Variants in LRBA observed in about 807,000 individuals in gnomAD.
LRBA encodes the protein LPS responsive beige-like anchor protein.
In LRBA, 176 loss-of-function variants were observed where a neutral mutation model predicts 330.0. That is an observed-to-expected ratio of 0.53 (90% CI 0.47 to 0.60). The LOEUF (loss-of-function observed/expected upper bound fraction) is 0.60. Among genes scored for constraint, LRBA ranks in the 20% least tolerant of loss-of-function variants. LRBA has a pLI of 0.00. For missense variants in LRBA, 3,259 were observed against 3,444.8 expected, an observed-to-expected ratio of 0.95 and a Z score of 1.35; for synonymous variants, 1,230 against 1,193.0, an observed-to-expected ratio of 1.03 and a Z score of -0.64.
intron 34 of LRBA, among the ~76,000 whole-genome samples, chr4:150,792,104 A>AT (rs1265251370): frequency 2.7e-5 from 4 of 147,840 alleles, no homozygotes; most frequent in Non-Finnish European, 6.0e-5. Context: ...CAAAATTTCT[A>AT]TTTTTTGGTT....
At chr4:150,728,909 T>A (rs1334373156) in intron 36 of LRBA, among the ~76,000 whole-genome samples, 1 of 152,148 alleles carries the variant, frequency 6.6e-6, no homozygotes, top group Non-Finnish European at 1.5e-5. Flanking sequence ...TAAGTCAAAT[T>A]ATCTTTATTT....
intron 34 of LRBA, among the ~76,000 whole-genome samples, chr4:150,769,509 A>G (rs998066634): frequency 8.5e-5 from 13 of 152,210 alleles, no homozygotes; most frequent in Admixed American, 2.0e-4. Flanking sequence ...TGAATCCAAA[A>G]GTGAGAAAAA....
chr4:150,486,409 A>G (rs527681480), intron 42 of LRBA, among the ~76,000 whole-genome samples: 11 of 151,918 alleles, frequency 7.2e-5, no homozygotes, highest in Admixed American at 7.2e-4. Flanking sequence ...TATTTTATAA[A>G]TAAGACATTG....
intron 37 of LRBA, among the ~76,000 whole-genome samples, chr4:150,653,138 T>C (rs1005069914): frequency 1.3e-5 from 2 of 152,142 alleles, no homozygotes; most frequent in Admixed American, 1.3e-4. Flanking sequence ...AGGCCAGGAA[T>C]TCAAGACCAG....
intron 48 of LRBA, among the ~76,000 whole-genome samples, chr4:150,329,089 T>C (rs1437032359): frequency 6.6e-6 from 1 of 152,182 alleles, no homozygotes; most frequent in East Asian, 1.9e-4. Context: ...TCACGTAATA[T>C]AGTGGTCTGA....
chr4:150,605,865 G>A (rs1360825632), intron 37 of LRBA, among the ~76,000 whole-genome samples: 1 of 152,116 alleles, frequency 6.6e-6, no homozygotes, highest in Non-Finnish European at 1.5e-5. Flanking sequence ...TATGCATTAT[G>A]CTGTCTTAAT....
chr4:150,685,291 C>A (rs1377147556), intron 36 of LRBA, among the ~76,000 whole-genome samples: 6 of 144,896 alleles, frequency 4.1e-5, no homozygotes, highest in African/African-American at 1.3e-4. Flanking sequence ...TCATTGTAAA[C>A]CAGTAAAAAC....
chr4:150,928,890 A>C lies in LRBA; in HGVS notation c.392T>G (p.Val131Gly). The stretch of plus-strand genomic sequence containing the variant: ...CCCAAGCACTTTTTCAACAAGGCCT[A>C]CTTCAGTGCAGACTTGAAGATTCCG... ...SIRNLQVCTEVGLVEKVLGKI... is the reference protein window; with the variant it reads ...SIRNLQVCTEGGLVEKVLGKI... The change falls in exon 3 of 57, where the codon GTA (valine) becomes GGA (glycine). Residue 131 changes from valine to glycine, a missense_variant. Val to Gly is a moderately radical substitution (Grantham distance 109). Transcript: ENST00000651943. The C allele has an allele frequency of 6.2e-7, 1 of 1,614,160 alleles. No homozygotes were observed. The highest frequency in any genetic ancestry group is 1.3e-5 in the African/African-American group (1 of 75,060).
intron 44 of LRBA, among the ~76,000 whole-genome samples, chr4:150,441,253 G>C (rs2152004817): frequency 6.6e-6 from 1 of 152,164 alleles, no homozygotes; most frequent in Non-Finnish European, 1.5e-5. Flanking sequence ...TAAAGACAAA[G>C]CAGGATAAGA....
chr4:150,646,091 A>G (rs1456149796), intron 37 of LRBA, among the ~76,000 whole-genome samples: 1 of 151,966 alleles, frequency 6.6e-6, no homozygotes, highest in Non-Finnish European at 1.5e-5. Flanking sequence ...CCATTATAGA[A>G]AAAGTTTTAC....
intron 2 of LRBA, among the ~76,000 whole-genome samples, chr4:150,958,287 C>A (rs1280864287): frequency 6.7e-6 from 1 of 149,198 alleles, no homozygotes; most frequent in African/African-American, 2.6e-5. Flanking sequence ...AGGCCCGACA[C>A]CACACATAGG....
chr4:150,873,219 T>C (rs1351480969), intron 17 of LRBA, among the ~76,000 whole-genome samples: 1 of 152,216 alleles, frequency 6.6e-6, no homozygotes, highest in African/African-American at 2.4e-5. Flanking sequence ...TAAAAAGATT[T>C]ACAACCAAAG....
intron 5 of LRBA, among the ~76,000 whole-genome samples, chr4:150,918,959 T>C (rs1732945352): frequency 6.6e-6 from 1 of 152,210 alleles, no homozygotes; most frequent in Non-Finnish European, 1.5e-5. Flanking sequence ...TGTACACTAA[T>C]GTCCATAACA....
chr4:150,407,818 A>T (rs545543205), intron 47 of LRBA, among the ~76,000 whole-genome samples: 1 of 152,162 alleles, frequency 6.6e-6, no homozygotes, highest in South Asian at 2.1e-4. Context: ...TAAGCCAAGA[A>T]AGAAACCACA....
At chr4:150,278,046 A>G in intron 55 of LRBA, 42 bp from the exon 56 acceptor site, 6 of 1,594,112 alleles carry the variant, frequency 3.8e-6, no homozygotes, top group Non-Finnish European at 5.1e-6. Context: ...TGGTTCTAGG[A>G]AACTTTCGGC....
chr4:150,362,892 A>G (rs1738914362), intron 47 of LRBA, among the ~76,000 whole-genome samples: 1 of 152,106 alleles, frequency 6.6e-6, no homozygotes, highest in Admixed American at 6.6e-5. Flanking sequence ...ACTTGAACCC[A>G]GCAGCTTGAG....
At chr4:150,633,786 T>A (rs1777615470) in intron 37 of LRBA, among the ~76,000 whole-genome samples, 1 of 152,198 alleles carries the variant, frequency 6.6e-6, no homozygotes, top group African/African-American at 2.4e-5. Flanking sequence ...CTATATAACC[T>A]TTCTTCTGGT....
At chr4:150,941,535 G>A (rs1027974284) in intron 2 of LRBA, among the ~76,000 whole-genome samples, 1 of 152,172 alleles carries the variant, frequency 6.6e-6, no homozygotes, top group East Asian at 1.9e-4. Flanking sequence ...TACAGATATC[G>A]TGGTAATACA....
rs756874800 is a variant in LRBA, at chr4:150,921,200, C to T, written c.643G>A (p.Ala215Thr). The T allele has an allele frequency of 3.1e-6, 5 of 1,596,194 alleles. No homozygotes were observed. The Admixed American group carries it at 8.3e-5, about 27-fold the overall frequency. Residue 215 changes from alanine (A) to threonine (T), a missense_variant and splice_region_variant, in exon 5 of 57, where the codon GCA (alanine) becomes ACA (threonine). Ala to Thr is a moderately conservative substitution (Grantham distance 58). Transcript: ENST00000651943. The part of the protein sequence containing the change: ...AFFNFPGKSA[A>T]AIALPPIAKW... The stretch of plus-strand genomic sequence containing the variant: ...TTTCCTCATTAATATTTACTTACTG[C>T]AGCACTCTTTCCTGGAAAGTTAAAA...
Sources: gnomAD v4.1 joint callset for allele counts (sites outside exome capture counted in the v4.1 genomes callset) on GRCh38, gnomAD v4.1.1 for gene constraint, MANE v1.5 for transcripts, NCBI Gene and HGNC (gene_info 2026-07-23, HGNC 2026-07-21) for gene names.